Variants in INPP4B observed in about 807,000 individuals in gnomAD.
The protein encoded by INPP4B is inositol polyphosphate 4-phosphatase type II.
Under a neutral mutation model 122.5 loss-of-function variants are expected in INPP4B, and 55 were observed. The ratio of observed to expected loss-of-function variants is 0.45; its 90% confidence interval spans 0.36 to 0.56. INPP4B has a LOEUF of 0.56. Among genes scored for constraint, INPP4B ranks in the 20% least tolerant of loss-of-function variants. INPP4B has a pLI of 0.00. For synonymous variants in INPP4B, 403 were observed against 388.7 expected (o/e 1.04, Z -0.43); for missense variants, 1,000 against 1,097.7 (o/e 0.91, Z 1.26).
chr4:142,806,627 C>G (rs984267007), intron 1 of INPP4B, among the ~76,000 whole-genome samples: 2 of 151,408 alleles, frequency 1.3e-5, no homozygotes, highest in Non-Finnish European at 2.9e-5. Context: ...GCCTGTAGTC[C>G]CAGATGCTCA....
intron 11 of INPP4B, among the ~76,000 whole-genome samples, chr4:142,250,195 T>G (rs1731264185): frequency 6.6e-6 from 1 of 152,186 alleles, no homozygotes; most frequent in Non-Finnish European, 1.5e-5. Flanking sequence ...CCACCCTAAA[T>G]TCACCAGATT....
intron 2 of INPP4B, among the ~76,000 whole-genome samples, chr4:142,524,993 T>C (rs570974040): frequency 6.7e-4 from 102 of 151,920 alleles, no homozygotes; most frequent in Middle Eastern, 6.8e-3. Flanking sequence ...AAAACCCCAT[T>C]GTCTCAGCCC....
chr4:142,593,332 A>C (rs1737952787), intron 2 of INPP4B, among the ~76,000 whole-genome samples: 1 of 152,034 alleles, frequency 6.6e-6, no homozygotes, highest in Admixed American at 6.6e-5. Flanking sequence ...CTCCCCTGCA[A>C]GTTTCCTCAC....
At chr4:142,443,263 A>G (rs1163227467) in intron 3 of INPP4B, among the ~76,000 whole-genome samples, 1 of 152,128 alleles carries the variant, frequency 6.6e-6, no homozygotes, top group Non-Finnish European at 1.5e-5. Flanking sequence ...TATGGACCTC[A>G]CCCAAATGCC....
intron 2 of INPP4B, among the ~76,000 whole-genome samples, chr4:142,700,683 AT>A (rs11345318): frequency 0.78 from 118,455 of 151,322 alleles, 46,999 homozygotes; most frequent in East Asian, 0.85. Context: ...TTTTTTTTTT[AT>A]TTTTTGCAGC....
At chr4:142,597,295 T>C (rs1431968570) in intron 2 of INPP4B, among the ~76,000 whole-genome samples, 1 of 152,258 alleles carries the variant, frequency 6.6e-6, no homozygotes, top group Non-Finnish European at 1.5e-5. Flanking sequence ...TTTCCACACA[T>C]GGACAACAAT....
chr4:142,740,485 A>C (rs546941453), intron 1 of INPP4B, among the ~76,000 whole-genome samples: 1 of 152,214 alleles, frequency 6.6e-6, no homozygotes, highest in East Asian at 1.9e-4. Flanking sequence ...TGATCTCACA[A>C]GGGCAAAATG....
chr4:142,669,901 T>C (rs1377004206), intron 2 of INPP4B, among the ~76,000 whole-genome samples: 1 of 152,184 alleles, frequency 6.6e-6, no homozygotes, highest in African/African-American at 2.4e-5. Flanking sequence ...TGTAAATTAG[T>C]ACAGCCTTTA....
chr4:142,727,724 A>T (rs1210036466), intron 1 of INPP4B, among the ~76,000 whole-genome samples: 1 of 152,116 alleles, frequency 6.6e-6, no homozygotes, highest in Non-Finnish European at 1.5e-5. Context: ...CTACAAAAAC[A>T]AAAATTAGCC....
intron 23 of INPP4B, among the ~76,000 whole-genome samples, chr4:142,092,427 A>G (rs1401958059): frequency 2.6e-5 from 4 of 152,096 alleles, no homozygotes; most frequent in Non-Finnish European, 5.9e-5. Flanking sequence ...AGTAGCTGGG[A>G]TTACAGGCAC....
chr4:142,227,291 C>T (rs1851971399), intron 12 of INPP4B, among the ~76,000 whole-genome samples: 1 of 152,088 alleles, frequency 6.6e-6, no homozygotes, highest in Admixed American at 6.5e-5. Flanking sequence ...GCAGCCACAG[C>T]ATCTGATGGA....
intron 2 of INPP4B, among the ~76,000 whole-genome samples, chr4:142,660,129 T>G (rs544773090): frequency 2.3e-3 from 350 of 152,216 alleles, no homozygotes; most frequent in African/African-American, 7.8e-3. Context: ...CTACTGACAT[T>G]AGGTGGGAAA....
intron 7 of INPP4B, among the ~76,000 whole-genome samples, chr4:142,387,779 G>C (rs1796427102): frequency 6.6e-6 from 1 of 152,160 alleles, no homozygotes; most frequent in East Asian, 1.9e-4. Context: ...TGTGCTTTGT[G>C]TGTCTTTCTG....
intron 12 of INPP4B, among the ~76,000 whole-genome samples, chr4:142,219,750 G>A (rs914664643): frequency 2.6e-5 from 4 of 152,246 alleles, no homozygotes; most frequent in East Asian, 1.9e-4. Flanking sequence ...GGACTTGGAC[G>A]GAGGATGTTG....
intron 7 of INPP4B, among the ~76,000 whole-genome samples, chr4:142,378,834 C>T (rs1313885477): frequency 5.9e-5 from 9 of 152,108 alleles, no homozygotes; most frequent in Admixed American, 5.9e-4. Flanking sequence ...CCAGAGTTTC[C>T]AACATGAGGT....
intron 7 of INPP4B, among the ~76,000 whole-genome samples, chr4:142,362,880 T>A (rs1201397817): frequency 2.6e-5 from 4 of 151,956 alleles, no homozygotes; most frequent in African/African-American, 9.7e-5. Flanking sequence ...AACTTCCTAT[T>A]GGTTAGTACG....
intron 14 of INPP4B, among the ~76,000 whole-genome samples, chr4:142,198,481 T>C (rs898002806): frequency 2.0e-5 from 3 of 151,940 alleles, no homozygotes; most frequent in Admixed American, 6.6e-5. Flanking sequence ...AGAATACTTT[T>C]TTCTTAAGCT....
At chr4:142,242,506 T>C (rs1287338190) in intron 11 of INPP4B, among the ~76,000 whole-genome samples, 4 of 152,204 alleles carry the variant, frequency 2.6e-5, no homozygotes, top group Non-Finnish European at 4.4e-5. Flanking sequence ...CTTAGTTCTG[T>C]TCATTCTGTT....
intron 2 of INPP4B, among the ~76,000 whole-genome samples, chr4:142,641,700 C>T (rs1750512901): frequency 2.0e-5 from 3 of 152,254 alleles, no homozygotes; most frequent in South Asian, 4.1e-4. Flanking sequence ...CAAGTCTTTG[C>T]TATTGTGAGT....
Sources: gnomAD v4.1 joint callset for allele counts (sites outside exome capture counted in the v4.1 genomes callset) on GRCh38, gnomAD v4.1.1 for gene constraint, MANE v1.5 for transcripts, NCBI Gene and HGNC (gene_info 2026-07-23, HGNC 2026-07-21) for gene names.